Variants in ZNF99 observed in about 807,000 individuals in gnomAD.
ZNF99 encodes zinc finger protein 99.
In ZNF99, 8 loss-of-function variants were observed where a neutral mutation model predicts 12.8. The ratio of observed to expected loss-of-function variants is 0.62; its 90% CI spans 0.37 to 1.13. The LOEUF is 1.13. ZNF99 is among the 50% of genes most tolerant of loss of function. The pLI is 0.02. For missense variants in ZNF99, 1,007 were observed against 1,006.2 expected (o/e 1.00, Z -0.01); for synonymous variants, 318 against 319.0 (o/e 1.00, Z 0.03).
chr19:22,772,209 G>T (rs1252254559), intron 1 of ZNF99, among the ~76,000 whole-genome samples: 1 of 152,136 alleles, frequency 6.6e-6, no homozygotes, highest in Non-Finnish European at 1.5e-5. Context: ...TGGACAGAGA[G>T]TGAGTTGATA....
rs1972991059 is a variant in ZNF99 at position 22,753,024 on chromosome 19, ATCTT to A, written c.*4286_*4289del. ...AATAATGCCCATCTAATAAAAAAGAATCTTTCATATCTCTGATGCAGCAACAATT... is the reference window on the plus strand; with the variant it reads ...AATAATGCCCATCTAATAAAAAAGAATCATATCTCTGATGCAGCAACAATT... On this transcript the variant is annotated 3_prime_UTR_variant, in exon 4 of 4. Coordinates refer to ENST00000596209, the MANE Select transcript of ZNF99 (RefSeq NM_001080409.3). 1 of 152,108 alleles carries A rather than the reference ATCTT, an allele frequency of 6.6e-6. No individual in the cohort carries two copies. Among genetic ancestry groups the A allele is most frequent in the African/African-American group, 2.4e-5 (1 of 41,448 alleles). 9.4% of individuals were successfully genotyped at this position (152,108 alleles called of 1,614,324 possible). A position where few individuals can be genotyped will look rare whatever the true frequency, so the allele number is the denominator to read the frequency against.
Position 22,759,642 on chromosome 19 carries a change from C to G in ZNF99, c.267G>C (p.Gln89His). The G allele has an allele frequency of 1.9e-6, 3 of 1,572,130 alleles. No homozygotes were observed. In the South Asian group the frequency reaches 3.6e-5, roughly 19 times the overall value. The change falls in exon 4 of 4, where the codon CAG becomes CAC. Residue 89 changes from glutamine to histidine, a missense_variant. By Grantham distance (24) the Gln-to-His change is conservative. Transcript: ENST00000596209. Reference sequence around the variant, plus strand: ...TTTCTTGGAAAGAATCTTTTATGCTCTGATCTGGCCAAAAGTCTTGTGTAA... The same window carrying G: ...TTTCTTGGAAAGAATCTTTTATGCTGTGATCTGGCCAAAAGTCTTGTGTAA... ...SHFTQDFWPD[Q>H]SIKDSFQEII...
At chr19:22,766,677 G>C (rs1384351550) in intron 3 of ZNF99, among the ~76,000 whole-genome samples, 1 of 147,180 alleles carries the variant, frequency 6.8e-6, no homozygotes, top group African/African-American at 2.5e-5. Flanking sequence ...TTGAGTCGGA[G>C]TTTCACTGTT....
Position 22,784,095 on chromosome 19 carries a change from G to C in ZNF99, c.-79C>G, listed in dbSNP as rs904163558. ...CAGGTCACAGGGCCACAGAGGCTAA[G>C]GACACAGAGCAGTAAAAACGAGATC... is the stretch of plus-strand genomic sequence containing the variant. On this transcript the variant is annotated 5_prime_UTR_variant, in exon 1 of 4. Coordinates refer to ENST00000596209, the MANE Select transcript of ZNF99 (RefSeq NM_001080409.3). The C allele has an allele frequency of 2.6e-6, 4 of 1,550,770 alleles. No individual in the cohort carries two copies. In the South Asian group the frequency reaches 3.4e-5, roughly 13 times the overall value.
chr19:22,779,425 A>G (rs1599450560), intron 1 of ZNF99, among the ~76,000 whole-genome samples: 1 of 151,956 alleles, frequency 6.6e-6, no homozygotes, highest in Non-Finnish European at 1.5e-5. Flanking sequence ...TCAGGAGGCT[A>G]AGGCAGGAGA....
intron 1 of ZNF99, chr19:22,773,905 A>C (rs1300451807): frequency 6.6e-6 from 1 of 152,164 alleles, no homozygotes; most frequent in Non-Finnish European, 1.5e-5. Flanking sequence ...TCCTGGGGAG[A>C]ACTGCACCTT....
Position 22,758,545 on chromosome 19 carries a change from C to G in ZNF99, c.1364G>C (p.Cys455Ser), listed in dbSNP as rs1159759371. Residue 455 changes from cysteine to serine, a missense_variant, in exon 4 of 4, where the codon TGT becomes TCT. Cys to Ser is a moderately radical substitution (Grantham distance 112, BLOSUM62 -1). Coordinates refer to ENST00000596209, the MANE Select transcript of ZNF99 (RefSeq NM_001080409.3). Reference protein sequence around the residue: ...IIHTGKQPYKCEECSKAFSNF... With the variant: ...IIHTGKQPYKSEECSKAFSNF... ...GCTAAAAGCTTTGCTGCATTCTTCACATTTGTAGGGTTGCTTTCCAGTATG... is the reference window on the plus strand; with the variant it reads ...GCTAAAAGCTTTGCTGCATTCTTCAGATTTGTAGGGTTGCTTTCCAGTATG... The G allele has an allele frequency of 6.2e-7, 1 of 1,611,636 alleles. No homozygotes were observed.
At chr19:22,775,720 C>T (rs1599448979) in intron 1 of ZNF99, among the ~76,000 whole-genome samples, 1 of 152,198 alleles carries the variant, frequency 6.6e-6, no homozygotes, top group Admixed American at 6.5e-5. Context: ...AACAAACAAC[C>T]TCCTTAAAAG....
Position 22,755,483 on chromosome 19 carries a change from T to C in ZNF99, c.*1831A>G. On this transcript the variant is annotated 3_prime_UTR_variant, in exon 4 of 4. Transcript: ENST00000596209. ...GGTTTCTCTCTAATTTATCTTATAT[T>C]CAGTAAGATCTGAGAACCCGTTAGA... 3.4e-6 allele frequency: 1 copy of C among 292,356 alleles called. No homozygotes were observed. 18.1% of individuals were successfully genotyped at this position (292,356 alleles called of 1,614,324 possible). A position where few individuals can be genotyped will look rare whatever the true frequency, so the allele number is the denominator to read the frequency against.
chr19:22,756,504 A>G lies in ZNF99; in HGVS notation c.*810T>C, dbSNP rs746945494. On this transcript the variant is annotated 3_prime_UTR_variant, in exon 4 of 4. Coordinates refer to ENST00000596209, the MANE Select transcript of ZNF99 (RefSeq NM_001080409.3). The stretch of plus-strand genomic sequence containing the variant: ...TCCTATGTTTAGTAAGGCGTGAGAA[A>G]TGGCTAAAAGCTTTGCCACGTTCTT... 12 of 1,594,430 alleles carry G rather than the reference A, an allele frequency of 7.5e-6. No individual in the cohort carries two copies. The highest frequency in any genetic ancestry group is 1.0e-5 in the Non-Finnish European group (12 of 1,173,532).
At chr19:22,766,282 T>TAAAA (rs35026292) in intron 3 of ZNF99, among the ~76,000 whole-genome samples, 247 of 131,314 alleles carry the variant, frequency 1.9e-3, no homozygotes, top group Non-Finnish European at 2.7e-3. Context: ...ACAAAATATG[T>TAAAA]AAAAAAAAAA....
At chr19:22,764,100 G>T (rs1973179399) in intron 3 of ZNF99, among the ~76,000 whole-genome samples, 1 of 151,342 alleles carries the variant, frequency 6.6e-6, no homozygotes, top group Non-Finnish European at 1.5e-5. Context: ...GTAGAGATGG[G>T]GTTTCATCAC....
rs1402766410 is a variant in ZNF99, at chr19:22,754,962, G to A, written c.*2352C>T. ...CACATGCCTATAGTCCCTGCTACTCGGGAGGCTGAGGCAGGAGAATCGCTT... is the reference window on the plus strand; with the variant it reads ...CACATGCCTATAGTCCCTGCTACTCAGGAGGCTGAGGCAGGAGAATCGCTT... On this transcript the variant is annotated 3_prime_UTR_variant, in exon 4 of 4. Coordinates refer to ENST00000596209, the MANE Select transcript of ZNF99 (RefSeq NM_001080409.3). 2.4e-5 allele frequency: 4 copies of A among 169,426 alleles called. No homozygotes were observed. The highest frequency in any genetic ancestry group is 3.5e-4 in the East Asian group (2 of 5,686). The allele number at this position is 169,426 out of a possible 1,614,324, so 10.5% of individuals were successfully genotyped here.
Position 22,758,731 on chromosome 19 carries a change from C to A in ZNF99, c.1178G>T (p.Gly393Val), listed in dbSNP as rs970147679. ...TTCTTCACATTTGTAGGGTTTCTGT[C>A]CAGTATGAATTATCTCATGTTTTCT... The part of the protein sequence containing the change: ...ALRKHEIIHT[G>V]QKPYKCEECG... The change falls in exon 4 of 4, where the codon GGA (glycine) becomes GTA (valine). Residue 393 changes from glycine to valine, a missense_variant. Coordinates refer to ENST00000596209, the MANE Select transcript of ZNF99 (RefSeq NM_001080409.3). 4 of 1,613,378 alleles carry A rather than the reference C, an allele frequency of 2.5e-6. No individual in the cohort carries two copies. Among genetic ancestry groups the A allele is most frequent in the African/African-American group, 1.3e-5 (1 of 74,776 alleles).
intron 1 of ZNF99, chr19:22,770,860 T>C (rs1315723856): frequency 6.6e-6 from 1 of 152,204 alleles, no homozygotes; most frequent in African/African-American, 2.4e-5. Context: ...CTCCCATTTT[T>C]TGTAACTTTT....
At position 22,754,298 on chromosome 19, in the gene ZNF99, C is replaced by T. The variant is rs750668564; in HGVS notation, c.*3016G>A. The T allele has an allele frequency of 2.3e-5, 10 of 426,126 alleles. No homozygotes were observed. Among genetic ancestry groups the T allele is most frequent in the East Asian group, 7.3e-5 (1 of 13,712 alleles). 26.4% of individuals were successfully genotyped at this position (426,126 alleles called of 1,614,324 possible). On this transcript the variant is annotated 3_prime_UTR_variant, in exon 4 of 4. Coordinates refer to ENST00000596209, the MANE Select transcript of ZNF99 (RefSeq NM_001080409.3). ...CAGAGAATCGCTTGAACCCAGGAGG[C>T]GGAGGTTGCAATGAACTGAGATTGC...
intron 1 of ZNF99, among the ~76,000 whole-genome samples, chr19:22,775,356 T>C (rs1257164996): frequency 1.3e-5 from 2 of 152,180 alleles, no homozygotes; most frequent in African/African-American, 4.8e-5. Context: ...CCTAGCAGTA[T>C]GTAGAAAATT....
chr19:22,762,476 C>T (rs537788111), intron 3 of ZNF99, among the ~76,000 whole-genome samples: 6 of 151,428 alleles, frequency 4.0e-5, no homozygotes, highest in Admixed American at 1.3e-4. Context: ...TAATGAGCAG[C>T]GAGATTGAAA....
At chr19:22,759,742 CA>C in intron 3 of ZNF99, 60 bp from the exon 4 acceptor site, 1 of 1,225,682 alleles carries the variant, frequency 8.2e-7, no homozygotes, top group South Asian at 2.0e-5. Flanking sequence ...ATATACTTTA[CA>C]AATCTAACCT....
Sources: gnomAD v4.1 joint callset for allele counts (sites outside exome capture counted in the v4.1 genomes callset) on GRCh38, gnomAD v4.1.1 for gene constraint, MANE v1.5 for transcripts, NCBI Gene and HGNC (gene_info 2026-07-23, HGNC 2026-07-21) for gene names.